The following CORIN variants were observed in gnomAD, a reference collection of about 807,000 sequenced individuals.
The protein encoded by CORIN is corin, serine peptidase.
A neutral mutation model predicts 125.3 loss-of-function variants in CORIN; 117 were observed. That is an observed-to-expected ratio of 0.93 (90% confidence interval 0.80 to 1.09). The LOEUF is 1.09. CORIN is among the 50% of genes least tolerant of loss of function. The pLI is 0.00. For synonymous variants in CORIN, 450 were observed against 466.4 expected (o/e 0.96, Z 0.45); for missense variants, 1,253 against 1,306.7 (o/e 0.96, Z 0.63).
intron 3 of CORIN, among the ~76,000 whole-genome samples, chr4:47,769,947 G>A (rs1729946869): frequency 6.6e-6 from 1 of 152,084 alleles, no homozygotes; most frequent in African/African-American, 2.4e-5. Context: ...AGTGACATTG[G>A]TCTGGTTAAT....
chr4:47,752,309 T>A (rs1728939692), intron 4 of CORIN, among the ~76,000 whole-genome samples: 1 of 151,504 alleles, frequency 6.6e-6, no homozygotes, highest in Admixed American at 6.6e-5. Flanking sequence ...ACATAAGCTC[T>A]GTGAAGCCAG....
chr4:47,651,955 A>G (rs1723749598), intron 13 of CORIN, among the ~76,000 whole-genome samples: 1 of 152,180 alleles, frequency 6.6e-6, no homozygotes, highest in African/African-American at 2.4e-5. Context: ...TTAGTCCCCT[A>G]CAACAAATTT....
At chr4:47,707,059 T>C in intron 5 of CORIN, 4 of 1,436,454 alleles carry the variant, frequency 2.8e-6, no homozygotes, top group Non-Finnish European at 3.6e-6. Context: ...CAGGTGTTAT[T>C]TGTCTGTTAA....
rs56323919 is a variant in CORIN at position 47,664,556 on chromosome 4, TTTCA to T, written c.1589+472_1589+475del. 6.4e-3 allele frequency among the ~76,000 whole-genome samples: 972 copies of T among 152,286 alleles called. 6 individuals are homozygous for T. The highest frequency in any genetic ancestry group is 0.017 in the South Asian group (81 of 4,822). On this transcript the variant is annotated intron_variant, in intron 11 of 21. Transcript: ENST00000273857. ...TACGCTCTTGAAATAGCGCATCTTATTTCATTCAAACAGGCAGAGAAATGTCAGC... is the reference window on the plus strand; with the variant it reads ...TACGCTCTTGAAATAGCGCATCTTATTTCAAACAGGCAGAGAAATGTCAGC...
chr4:47,657,425 C>T (rs1724040394), intron 12 of CORIN, among the ~76,000 whole-genome samples: 1 of 151,378 alleles, frequency 6.6e-6, no homozygotes, highest in South Asian at 2.1e-4. Flanking sequence ...GTCCCAGCTA[C>T]TCGGGAGGCT....
chr4:47,723,339 C>T (rs953507782), intron 5 of CORIN, among the ~76,000 whole-genome samples: 1 of 152,142 alleles, frequency 6.6e-6, no homozygotes, highest in Non-Finnish European at 1.5e-5. Flanking sequence ...TGTATAAAGT[C>T]CTGCCTGGGT....
intron 5 of CORIN, among the ~76,000 whole-genome samples, chr4:47,694,047 G>A (rs1725878722): frequency 6.6e-6 from 1 of 152,172 alleles, no homozygotes; most frequent in Non-Finnish European, 1.5e-5. Context: ...TGTTTAAAAT[G>A]AGGAAACTAT....
rs185573032 is a variant in CORIN, at chr4:47,602,923, A to G, written c.2812+474T>C. 2.6e-5 allele frequency among the ~76,000 whole-genome samples: 4 copies of G among 152,028 alleles called. No individual in the cohort carries two copies. In the East Asian group the frequency reaches 7.7e-4, roughly 29 times the overall value. On this transcript the variant is annotated intron_variant, in intron 20 of 21. Coordinates refer to ENST00000273857, the MANE Select transcript of CORIN (RefSeq NM_006587.4). ...ATTCTGTTACCCAGGCAGTGGTGAG[A>G]TCTTGGCTCACTGCAGCCTCCACCT...
chr4:47,833,974 T>C (rs1271510547), intron 1 of CORIN, among the ~76,000 whole-genome samples: 1 of 152,206 alleles, frequency 6.6e-6, no homozygotes, highest in Non-Finnish European at 1.5e-5. Context: ...GCAACCATTA[T>C]GGGAAAGAGT....
At chr4:47,835,648 AG>A (rs1241320879) in intron 1 of CORIN, among the ~76,000 whole-genome samples, 1 of 152,188 alleles carries the variant, frequency 6.6e-6, no homozygotes, top group African/African-American at 2.4e-5. Flanking sequence ...AGGTCAACAG[AG>A]GGGCTGGCCA....
chr4:47,615,241 A>G (rs746816193), intron 19 of CORIN, among the ~76,000 whole-genome samples: 16 of 152,218 alleles, frequency 1.1e-4, no homozygotes, highest in Admixed American at 2.0e-4. Flanking sequence ...ATAGGCTCCA[A>G]TGAAAAGATT....
chr4:47,811,104 G>A (rs183955736), intron 1 of CORIN, among the ~76,000 whole-genome samples: 2 of 152,144 alleles, frequency 1.3e-5, no homozygotes, highest in Non-Finnish European at 2.9e-5. Flanking sequence ...CTGAAATACT[G>A]CAAATACCTC....
chr4:47,627,964 G>A lies in CORIN; in HGVS notation c.2199-1443C>T, dbSNP rs146786664. On this transcript the variant is annotated intron_variant, in intron 16 of 21. Transcript: ENST00000273857. ...AGCCTTTCAACTCAAAAGGCCCCCA[G>A]CTGCCCTGAGGAAGGGCTCCACAGA... Among the ~76,000 whole-genome samples the A allele has an allele frequency of 2.1e-3, 313 of 152,196 alleles. 2 individuals carry two copies. The highest frequency in any genetic ancestry group is 7.1e-3 in the African/African-American group (293 of 41,518).
At position 47,803,273 on chromosome 4, in the gene CORIN, A is replaced by G. The variant is rs571838034; in HGVS notation, c.208+3630T>C. ...AAGAATCAATATTGTTAACATTTCC[A>G]TAGTACTCAAAGCAATCTGCAGATT... On this transcript the variant is annotated intron_variant, in intron 2 of 21. Coordinates refer to ENST00000273857, the MANE Select transcript of CORIN (RefSeq NM_006587.4). Among the ~76,000 whole-genome samples the G allele has an allele frequency of 3.2e-4, 49 of 152,380 alleles. 1 individual carries two copies. In the South Asian group the frequency reaches 4.3e-3, roughly 14 times the overall value.
chr4:47,823,625 T>A (rs1435184029), intron 1 of CORIN, among the ~76,000 whole-genome samples: 1 of 152,220 alleles, frequency 6.6e-6, no homozygotes. Flanking sequence ...TACACATATC[T>A]CCAGTTTCAA....
At chr4:47,817,723 T>G (rs557447429) in intron 1 of CORIN, among the ~76,000 whole-genome samples, 1 of 152,326 alleles carries the variant, frequency 6.6e-6, no homozygotes, top group East Asian at 1.9e-4. Context: ...TTATGTTGTT[T>G]TAAGCTACAT....
chr4:47,653,090 T>C (rs1285032823), intron 13 of CORIN, among the ~76,000 whole-genome samples: 2 of 152,236 alleles, frequency 1.3e-5, no homozygotes, highest in African/African-American at 4.8e-5. Context: ...TAAGATATTT[T>C]GAGACAGAGA....
intron 10 of CORIN, among the ~76,000 whole-genome samples, chr4:47,671,145 G>A (rs978785527): frequency 7.2e-5 from 11 of 152,292 alleles, no homozygotes; most frequent in Non-Finnish European, 1.5e-4. Context: ...GAAGTCATCT[G>A]TAGAATTAAA....
chr4:47,790,321 G>A (rs765015308), intron 2 of CORIN: 58 of 305,732 alleles, frequency 1.9e-4, no homozygotes, highest in Non-Finnish European at 2.5e-4. Flanking sequence ...CACTGGGGTG[G>A]AGCCTCAGGA....
Sources: allele counts gnomAD v4.1 joint callset (sites outside exome capture counted in the v4.1 genomes callset), GRCh38; gene constraint gnomAD v4.1.1; transcripts MANE v1.5; gene names NCBI Gene and HGNC (gene_info 2026-07-23, HGNC 2026-07-21).